SAE1: variants seen among roughly 807,000 people sequenced by gnomAD.
The protein encoded by SAE1 is SUMO-activating enzyme subunit 1.
Under a neutral mutation model 40.6 loss-of-function variants are expected in SAE1, and 11 were observed. That is an observed-to-expected ratio of 0.27 (90% confidence interval 0.17 to 0.45). The LOEUF (loss-of-function observed/expected upper bound fraction) is 0.45, where lower values mean the gene tolerates loss of function less well. SAE1 is among the 20% of genes least tolerant of loss of function. The pLI, the probability that SAE1 is intolerant of heterozygous loss-of-function variation, is 1.00. For missense variants in SAE1, 373 were observed against 427.3 expected (o/e 0.87, Z 1.12); for synonymous variants, 155 against 154.3 (o/e 1.00, Z -0.03).
At chr19:47,197,108 G>A in intron 6 of SAE1, 125 bp from the exon 7 acceptor site, 1 of 883,870 alleles carries the variant, frequency 1.1e-6, no homozygotes, top group South Asian at 1.7e-5. Flanking sequence ...TTGAACCCGG[G>A]AGGCAGAGGT....
rs57568797 is a variant in SAE1 at position 47,201,360 on chromosome 19, C to CTTTTTTTTTTTT, written c.879-2293_879-2282dup. Among the ~76,000 whole-genome samples the CTTTTTTTTTTTT allele has an allele frequency of 9.4e-4, 62 of 66,228 alleles. 7 individuals carry two copies. Among genetic ancestry groups the CTTTTTTTTTTTT allele is most frequent in the African/African-American group, 2.3e-3 (34 of 15,056 alleles). The allele number at this position is 66,228 out of a possible 152,430, so 43.4% of individuals were successfully genotyped here. On this transcript the variant is annotated intron_variant, in intron 7 of 8. Transcript: ENST00000270225. ...CTGCACCTGGCCTGTTATCTGGTTC[C>CTTTTTTTTTTTT]TTTTTTTTTTTTTTTTTTTTTTTTT...
At chr19:47,131,395 C>T (rs1173933635) in intron 1 of SAE1, among the ~76,000 whole-genome samples, 2 of 152,044 alleles carry the variant, frequency 1.3e-5, no homozygotes, top group Non-Finnish European at 2.9e-5. Flanking sequence ...GTGAGGGACG[C>T]AGTTCATTCA....
At position 47,197,218 on chromosome 19, in the gene SAE1, T is replaced by G; in HGVS notation, c.734-15T>G. 1 of 1,584,662 alleles carries G rather than the reference T, an allele frequency of 6.3e-7. No individual in the cohort carries two copies. Among genetic ancestry groups the G allele is most frequent in the Non-Finnish European group, 8.5e-7 (1 of 1,170,932 alleles). On this transcript the variant is annotated splice_polypyrimidine_tract_variant and intron_variant, in intron 6 of 8. Transcript: ENST00000270225. Reference sequence around the variant, plus strand: ...AAAGTGGCTTTATAACCTGCCTTCTTTTTCTTATTCCCAGTGCTCTTAAAG... The same window carrying G: ...AAAGTGGCTTTATAACCTGCCTTCTGTTTCTTATTCCCAGTGCTCTTAAAG...
intron 6 of SAE1, among the ~76,000 whole-genome samples, chr19:47,191,977 C>G (rs144896742): frequency 0.11 from 16,559 of 151,364 alleles, 1,154 homozygotes; most frequent in South Asian, 0.22. Context: ...TGGCGTGAAC[C>G]CGGGAGGCGG....
chr19:47,151,670 G>T (rs1006844441), intron 3 of SAE1, among the ~76,000 whole-genome samples: 1 of 152,110 alleles, frequency 6.6e-6, no homozygotes, highest in Non-Finnish European at 1.5e-5. Flanking sequence ...CTGTGCATTT[G>T]TCCTGTTTTC....
intron 1 of SAE1, 108 bp downstream of exon 1, chr19:47,131,136 G>A: frequency 1.4e-6 from 2 of 1,437,010 alleles, no homozygotes. Flanking sequence ...GGAGGAGGCG[G>A]GAATTCTGTG....
intron 6 of SAE1, among the ~76,000 whole-genome samples, chr19:47,182,283 A>G (rs1388808603): frequency 2.6e-5 from 4 of 152,060 alleles, no homozygotes; most frequent in Non-Finnish European, 5.9e-5. Flanking sequence ...AGCCATCGCT[A>G]TTTGGGTATG....
intron 1 of SAE1, among the ~76,000 whole-genome samples, chr19:47,132,685 G>C (rs1378330572): frequency 2.6e-5 from 4 of 151,972 alleles, no homozygotes; most frequent in African/African-American, 9.7e-5. Context: ...CCAGGAGTTT[G>C]AGACTAGCCT....
chr19:47,146,686 C>T (rs553799436), intron 2 of SAE1, among the ~76,000 whole-genome samples: 8 of 152,258 alleles, frequency 5.3e-5, no homozygotes, highest in Admixed American at 5.2e-4. Context: ...AGTACTGGCC[C>T]ATCCAAGGCC....
chr19:47,190,282 G>A (rs191486105), intron 6 of SAE1, among the ~76,000 whole-genome samples: 6 of 152,264 alleles, frequency 3.9e-5, no homozygotes, highest in South Asian at 2.1e-4. Flanking sequence ...TGATCTTAAC[G>A]GAACAGTTTT....
rs151334386 is a variant in SAE1 at position 47,154,646 on chromosome 19, C to G, written c.528-468C>G. On this transcript the variant is annotated intron_variant, in intron 4 of 8. Coordinates refer to ENST00000270225, the MANE Select transcript of SAE1 (RefSeq NM_005500.3). ...AGTAGCTGGGATTACAGGCGCCCAC[C>G]ACCACGCCCGGCTAGTTTTTTGTAT... 2.6e-4 allele frequency among the ~76,000 whole-genome samples: 40 copies of G among 151,864 alleles called. No individual in the cohort carries two copies. The East Asian group carries it at 6.0e-3, about 23-fold the overall frequency.
intron 6 of SAE1, among the ~76,000 whole-genome samples, chr19:47,184,249 T>A (rs892236193): frequency 4.6e-5 from 7 of 152,132 alleles, no homozygotes; most frequent in Non-Finnish European, 1.0e-4. Flanking sequence ...TGTCTTCTGT[T>A]TCTTCTCTTT....
intron 5 of SAE1, among the ~76,000 whole-genome samples, chr19:47,156,124 TTGTC>T (rs1217427922): frequency 6.6e-6 from 1 of 151,680 alleles, no homozygotes; most frequent in East Asian, 1.9e-4. Flanking sequence ...ATGTAAAAAT[TTGTC>T]TGGCGTGATG....
At chr19:47,197,760 T>G (rs2058625614) in intron 7 of SAE1, among the ~76,000 whole-genome samples, 2 of 152,208 alleles carry the variant, frequency 1.3e-5, no homozygotes. Flanking sequence ...CGATGGAGTT[T>G]ATTGAACCAG....
chr19:47,132,233 G>A (rs1431448652), intron 1 of SAE1, among the ~76,000 whole-genome samples: 1 of 151,296 alleles, frequency 6.6e-6, no homozygotes, highest in Non-Finnish European at 1.5e-5. Context: ...AAAGTGGTTG[G>A]ATTACAGACG....
intron 6 of SAE1, among the ~76,000 whole-genome samples, chr19:47,184,074 T>A (rs307895): frequency 1.3e-5 from 2 of 152,072 alleles, no homozygotes; most frequent in Non-Finnish European, 2.9e-5. Flanking sequence ...ATGTTTCACC[T>A]TAAAGGTGAG....
At chr19:47,138,684 A>C (rs1372647555) in intron 1 of SAE1, among the ~76,000 whole-genome samples, 1 of 152,126 alleles carries the variant, frequency 6.6e-6, no homozygotes, top group Non-Finnish European at 1.5e-5. Flanking sequence ...GGCAGTAAAC[A>C]TATAAACAAG....
rs768429850 is a variant in SAE1 at position 47,143,623 on chromosome 19, C to T, written c.210+18C>T. 13 of 1,557,720 alleles carry T rather than the reference C, an allele frequency of 8.3e-6. No individual in the cohort carries two copies. Among genetic ancestry groups the T allele is most frequent in the African/African-American group, 8.1e-5 (6 of 73,806 alleles). On this transcript the variant is annotated intron_variant, in intron 2 of 8. Transcript: ENST00000270225. ...ACGAACAGGTGCGCTGTTGTGAGCTCATTCCTCCCCTGCTCTGGCTCCCCT... is the reference window on the plus strand; with the variant it reads ...ACGAACAGGTGCGCTGTTGTGAGCTTATTCCTCCCCTGCTCTGGCTCCCCT...
At chr19:47,201,906 T>C (rs1426209719) in intron 7 of SAE1, among the ~76,000 whole-genome samples, 1 of 152,170 alleles carries the variant, frequency 6.6e-6, no homozygotes, top group Non-Finnish European at 1.5e-5. Flanking sequence ...GTGCTGGGAT[T>C]ACAGATGTGA....
Sources: gnomAD v4.1 joint callset for allele counts (sites outside exome capture counted in the v4.1 genomes callset) on GRCh38, gnomAD v4.1.1 for gene constraint, MANE v1.5 for transcripts, NCBI Gene and HGNC (gene_info 2026-07-23, HGNC 2026-07-21) for gene names.